LRBA: variants seen among roughly 807,000 people sequenced by gnomAD.
The protein encoded by LRBA is LPS responsive beige-like anchor protein.
Under a neutral mutation model 330.0 loss-of-function variants are expected in LRBA, and 176 were observed. The observed-to-expected ratio is 0.53, with a 90% CI of 0.47 to 0.60. The LOEUF (loss-of-function observed/expected upper bound fraction) is 0.60. LRBA is among the 20% of genes least tolerant of loss of function. The probability of loss-of-function intolerance (pLI) is 0.00; values close to 1 mark genes in which losing one functional copy is unlikely to be tolerated. For synonymous variants in LRBA, 1,230 were observed against 1,193.0 expected, an observed-to-expected ratio of 1.03 and a Z score of -0.64; for missense variants, 3,259 against 3,444.8, an observed-to-expected ratio of 0.95 and a Z score of 1.35.
intron 34 of LRBA, among the ~76,000 whole-genome samples, chr4:150,791,755 G>A (rs554835190): frequency 2.6e-5 from 4 of 152,210 alleles, no homozygotes; most frequent in East Asian, 1.9e-4. Flanking sequence ...TTGGCCGGGC[G>A]CGGTGGCTCA....
chr4:150,343,992 C>T (rs72734409), intron 48 of LRBA, among the ~76,000 whole-genome samples: 2,285 of 152,270 alleles, frequency 0.015, 33 homozygotes, highest in Non-Finnish European at 0.022. Context: ...ATTGTTCCCT[C>T]CTGTTCAGTG....
intron 37 of LRBA, among the ~76,000 whole-genome samples, chr4:150,671,039 TGTGAGA>T (rs1358686346): frequency 9.9e-4 from 145 of 146,886 alleles, no homozygotes; most frequent in East Asian, 3.2e-3. Context: ...TGTGTGTGTG[TGTGAGA>T]GAGAGAGAGA....
chr4:150,799,891 C>G (rs1486783408), intron 33 of LRBA, among the ~76,000 whole-genome samples: 1 of 152,070 alleles, frequency 6.6e-6, no homozygotes, highest in Non-Finnish European at 1.5e-5. Context: ...ATTACAGGCG[C>G]CCACCACCAC....
chr4:150,736,674 C>A (rs1560749448), intron 35 of LRBA, among the ~76,000 whole-genome samples: 1 of 151,742 alleles, frequency 6.6e-6, no homozygotes, highest in Non-Finnish European at 1.5e-5. Context: ...TAGAAAAAAG[C>A]AATATTTGAA....
chr4:150,462,856 C>T (rs1458470406), intron 44 of LRBA, among the ~76,000 whole-genome samples: 5 of 151,770 alleles, frequency 3.3e-5, no homozygotes, highest in African/African-American at 1.2e-4. Context: ...AAAATGTATA[C>T]TATGGGACAA....
rs182674515 is a variant in LRBA, at chr4:150,349,550, T to C, written c.7362+442A>G. Among the ~76,000 whole-genome samples, 345 of 152,258 alleles carry C rather than the reference T, an allele frequency of 2.3e-3. 1 individual carries two copies. Among genetic ancestry groups the C allele is most frequent in the African/African-American group, 8.0e-3 (334 of 41,570 alleles). On this transcript the variant is annotated intron_variant, in intron 48 of 56. Transcript: ENST00000651943. ...AACATCTAACAACAATTTGATCACA[T>C]AGGAAAGATTTGGACTTCAACCCCC...
intron 37 of LRBA, among the ~76,000 whole-genome samples, chr4:150,623,436 TA>T (rs1173094600): frequency 6.6e-6 from 1 of 152,152 alleles, no homozygotes; most frequent in Non-Finnish European, 1.5e-5. Flanking sequence ...TTCATACTAT[TA>T]AATAGTATAT....
intron 37 of LRBA, among the ~76,000 whole-genome samples, chr4:150,657,595 A>G (rs1275350232): frequency 3.3e-5 from 5 of 152,054 alleles, no homozygotes; most frequent in Non-Finnish European, 7.4e-5. Flanking sequence ...AAGTTTTAAA[A>G]AAATACAAGA....
chr4:150,278,634 G>A (rs1439491633), intron 55 of LRBA, among the ~76,000 whole-genome samples: 2 of 152,132 alleles, frequency 1.3e-5, no homozygotes, highest in Non-Finnish European at 2.9e-5. Flanking sequence ...TCCTACTAGC[G>A]CTGAACAGAC....
chr4:150,394,958 C>G (rs771505617), intron 47 of LRBA, among the ~76,000 whole-genome samples: 1 of 151,776 alleles, frequency 6.6e-6, no homozygotes, highest in Non-Finnish European at 1.5e-5. Context: ...TGCCCATTTG[C>G]AAGATATATT....
chr4:150,821,558 A>T (rs1291436302), intron 30 of LRBA, among the ~76,000 whole-genome samples: 1 of 152,186 alleles, frequency 6.6e-6, no homozygotes, highest in Non-Finnish European at 1.5e-5. Flanking sequence ...GGCAAATAGC[A>T]ACAATGCCTT....
chr4:150,452,166 A>G (rs1753422130), intron 44 of LRBA, among the ~76,000 whole-genome samples: 1 of 152,212 alleles, frequency 6.6e-6, no homozygotes, highest in African/African-American at 2.4e-5. Flanking sequence ...TTAAGAAAAT[A>G]TTTGCAAATG....
At chr4:150,325,496 A>G (rs769397119) in intron 49 of LRBA, among the ~76,000 whole-genome samples, 7 of 152,212 alleles carry the variant, frequency 4.6e-5, no homozygotes, top group Non-Finnish European at 8.8e-5. Context: ...GAATCAAACC[A>G]GAAAAGTCAT....
intron 46 of LRBA, chr4:150,423,537 C>G (rs1453201790): frequency 2.3e-6 from 1 of 437,504 alleles, no homozygotes; most frequent in Non-Finnish European, 4.2e-6. Flanking sequence ...AGACTGGAGG[C>G]TGGTGGGCTA....
chr4:150,710,160 C>T (rs768205763), intron 36 of LRBA, among the ~76,000 whole-genome samples: 7 of 151,988 alleles, frequency 4.6e-5, no homozygotes, highest in Admixed American at 2.0e-4. Context: ...GATAACAAAA[C>T]ACAGTATTGA....
At chr4:150,335,366 C>T (rs1313204019) in intron 48 of LRBA, among the ~76,000 whole-genome samples, 1 of 150,400 alleles carries the variant, frequency 6.6e-6, no homozygotes, top group African/African-American at 2.4e-5. Flanking sequence ...TAGAGTATGA[C>T]CTTATTTCAG....
chr4:150,335,465 G>GTATATATGTGTATATATGTA (rs1734560696), intron 48 of LRBA, among the ~76,000 whole-genome samples: 3 of 146,644 alleles, frequency 2.0e-5, no homozygotes, highest in African/African-American at 5.0e-5. Context: ...GTATATATGT[G>GTATATATGTGTATATATGTA]TATATATATA....
At chr4:150,988,765 G>A (rs1202576703) in intron 2 of LRBA, among the ~76,000 whole-genome samples, 4 of 152,038 alleles carry the variant, frequency 2.6e-5, no homozygotes, top group Non-Finnish European at 5.9e-5. Context: ...TTTCAGTAGA[G>A]ACAGGGTTTT....
chr4:150,607,265 C>A (rs1302326323), intron 37 of LRBA, among the ~76,000 whole-genome samples: 1 of 152,038 alleles, frequency 6.6e-6, no homozygotes, highest in Non-Finnish European at 1.5e-5. Flanking sequence ...GGCTTGTATG[C>A]TACACGGCAG....
Sources: allele counts gnomAD v4.1 joint callset (sites outside exome capture counted in the v4.1 genomes callset), GRCh38; gene constraint gnomAD v4.1.1; transcripts MANE v1.5; gene names NCBI Gene and HGNC (gene_info 2026-07-23, HGNC 2026-07-21).